ALS2: variants seen among roughly 807,000 people sequenced by gnomAD.
ALS2 encodes alsin.
A neutral mutation model predicts 203.4 loss-of-function variants in ALS2; 117 were observed. The observed-to-expected ratio is 0.58, with a 90% confidence interval of 0.50 to 0.67. ALS2 has a LOEUF of 0.67. Among genes scored for constraint, ALS2 ranks in the 30% least tolerant of loss-of-function variants. The probability of loss-of-function intolerance (pLI) is 0.00; values close to 1 mark genes in which losing one functional copy is unlikely to be tolerated. For synonymous variants in ALS2, 718 were observed against 725.9 expected (o/e 0.99, Z 0.17); for missense variants, 1,715 against 1,989.4 (o/e 0.86, Z 2.62).
chr2:201,712,578 G>C (rs6760385), intron 25 of ALS2, among the ~76,000 whole-genome samples: 1 of 151,946 alleles, frequency 6.6e-6, no homozygotes, highest in African/African-American at 2.4e-5. Context: ...TTTTAACAAC[G>C]AAGGCACAGC....
rs564849908 is a variant in ALS2 at position 201,701,972 on chromosome 2, C to T, written c.4936-83G>A. 213 of 1,252,952 alleles carry T rather than the reference C, an allele frequency of 1.7e-4. 1 individual carries two copies. In the South Asian group the frequency reaches 2.5e-3, roughly 15 times the overall value. 77.6% of individuals were successfully genotyped at this position (1,252,952 alleles called of 1,614,324 possible). On this transcript the variant is annotated intron_variant, in intron 33 of 33. Transcript: ENST00000264276. ...AGCAATGCATATGGGACTAAAGAAA[C>T]AAAATCCCTTATGAACAAATTCAGC...
At chr2:201,767,634 A>T (rs1427340927) in intron 2 of ALS2, among the ~76,000 whole-genome samples, 1 of 151,850 alleles carries the variant, frequency 6.6e-6, no homozygotes, top group Non-Finnish European at 1.5e-5. Flanking sequence ...AGGCCGAGGC[A>T]GGCAGATCAC....
intron 3 of ALS2, among the ~76,000 whole-genome samples, chr2:201,764,670 TAAATAAATAAATA>T (rs1369871176): frequency 6.6e-6 from 1 of 150,554 alleles, no homozygotes; most frequent in Admixed American, 6.6e-5. Context: ...AATAAATAAA[TAAATAAATAAATA>T]AAAGTGAATC....
chr2:201,773,957 G>A (rs1464618982), intron 1 of ALS2, among the ~76,000 whole-genome samples: 1 of 152,220 alleles, frequency 6.6e-6, no homozygotes, highest in Non-Finnish European at 1.5e-5. Context: ...GGTAACGGCT[G>A]AGCATGGCCA....
chr2:201,724,937 C>T (rs535140743), intron 20 of ALS2, among the ~76,000 whole-genome samples: 114 of 152,048 alleles, frequency 7.5e-4, no homozygotes, highest in Middle Eastern at 3.4e-3. Flanking sequence ...CGCGGTGAAA[C>T]CCTGTCTCTA....
At chr2:201,755,416 C>T (rs1032157661) in intron 5 of ALS2, among the ~76,000 whole-genome samples, 3 of 152,136 alleles carry the variant, frequency 2.0e-5, no homozygotes, top group African/African-American at 4.8e-5. Context: ...GCATGCACCA[C>T]CACACCCAGC....
chr2:201,774,670 C>A (rs1250862482), intron 1 of ALS2, among the ~76,000 whole-genome samples: 1 of 152,092 alleles, frequency 6.6e-6, no homozygotes, highest in Non-Finnish European at 1.5e-5. Flanking sequence ...TGGCTTAATT[C>A]GGTGAAAGGT....
At chr2:201,780,572 GGAA>G (rs1330171479) in intron 1 of ALS2, among the ~76,000 whole-genome samples, 1 of 152,218 alleles carries the variant, frequency 6.6e-6, no homozygotes, top group Non-Finnish European at 1.5e-5. Flanking sequence ...GGGGCTTGAA[GGAA>G]TTTCACGCAG....
intron 21 of ALS2, 137 bp from the exon 22 acceptor site, chr2:201,723,578 T>C: frequency 1.4e-6 from 1 of 738,356 alleles, no homozygotes. Flanking sequence ...AATAGTTAAC[T>C]TTGTCTCCTC....
At chr2:201,765,132 G>A (rs1172028487) in intron 3 of ALS2, among the ~76,000 whole-genome samples, 1 of 151,956 alleles carries the variant, frequency 6.6e-6, no homozygotes, top group African/African-American at 2.4e-5. Flanking sequence ...GAAGTAGCTG[G>A]GACTACAGGC....
At chr2:201,775,569 A>G (rs1164997898) in intron 1 of ALS2, among the ~76,000 whole-genome samples, 3 of 152,146 alleles carry the variant, frequency 2.0e-5, no homozygotes, top group African/African-American at 2.4e-5. Flanking sequence ...AACAACTGCT[A>G]CTTCCTGGAT....
chr2:201,767,419 C>A (rs758172365), intron 2 of ALS2, 36 bp from the exon 3 acceptor site: 3 of 1,605,864 alleles, frequency 1.9e-6, no homozygotes, highest in African/African-American at 1.3e-5. Flanking sequence ...ATTGTTTCTA[C>A]AATTCAGAAC....
At position 201,726,792 on chromosome 2, in the gene ALS2, T is replaced by C; in HGVS notation, c.3054A>G (p.Gly1018=). Residue 1018 remains glycine (G), a synonymous_variant, in exon 18 of 34, where the codon GGA becomes GGG. Coordinates refer to ENST00000264276, the MANE Select transcript of ALS2 (RefSeq NM_020919.4). ...LRGMSDLPPY[G]SGSSVQRQEP... is the part of the protein sequence containing the mutation. ...CCTGTCTCTGAACACTGCTACCACTTCCATAAGGGGGGAGATCAGACATCC... is the reference window on the plus strand; with the variant it reads ...CCTGTCTCTGAACACTGCTACCACTCCCATAAGGGGGGAGATCAGACATCC... 1 of 1,614,146 alleles carries C rather than the reference T, an allele frequency of 6.2e-7. No individual in the cohort carries two copies. The highest frequency in any genetic ancestry group is 8.5e-7 in the Non-Finnish European group (1 of 1,180,014).
At chr2:201,774,090 G>A (rs1694546144) in intron 1 of ALS2, among the ~76,000 whole-genome samples, 1 of 152,148 alleles carries the variant, frequency 6.6e-6, no homozygotes, top group Non-Finnish European at 1.5e-5. Context: ...ATGTTGAAAT[G>A]GCAAACAAAG....
intron 23 of ALS2, among the ~76,000 whole-genome samples, chr2:201,720,671 G>A (rs919555120): frequency 8.6e-5 from 13 of 151,350 alleles, no homozygotes; most frequent in East Asian, 3.9e-4. Flanking sequence ...CTGAGAACAC[G>A]CCACTGCACT....
At chr2:201,752,190 G>A (rs921008620) in intron 7 of ALS2, among the ~76,000 whole-genome samples, 3 of 151,986 alleles carry the variant, frequency 2.0e-5, no homozygotes, top group African/African-American at 4.8e-5. Flanking sequence ...TACAACTGAC[G>A]CATCTCATCC....
At chr2:201,746,868 GAGCAAAC>G in intron 8 of ALS2, 120 bp from the exon 9 acceptor site, 3 of 1,115,812 alleles carry the variant, frequency 2.7e-6, no homozygotes, top group Non-Finnish European at 4.0e-6. Flanking sequence ...TCATATCTGA[GAGCAAAC>G]TTACCCAGCA....
In ALS2 at chr2:201,757,530, T is replaced by C; in HGVS notation, c.1343A>G (p.Asp448Gly). 1 of 1,614,180 alleles carries C rather than the reference T, an allele frequency of 6.2e-7. No individual in the cohort carries two copies. The highest frequency in any genetic ancestry group is 1.1e-5 in the South Asian group (1 of 91,084). The change falls in exon 5 of 34, where the codon GAT (aspartate) becomes GGT (glycine). Residue 448 changes from aspartate (D) to glycine (G), a missense_variant. Physicochemically the swap from Asp to Gly is moderately conservative, Grantham distance 94. Around this residue, in one of 3 missense-constraint regions of ALS2, gnomAD observed 476 missense variants for 539.3 expected, o/e 0.88. Transcript: ENST00000264276. ...CTGTTTAACCTGTTCTTCCCTGCTA[T>C]CTTTCAAACCTTCGGGGCCAATGGC... Reference protein sequence around the residue: ...SSAIGPEGLKDSREEQVKQES... With the variant: ...SSAIGPEGLKGSREEQVKQES...
Position 201,700,897 on chromosome 2 carries a change from C to G in ALS2, c.*954G>C, listed in dbSNP as rs753260120. 1 of 152,288 alleles carries G rather than the reference C, an allele frequency of 6.6e-6. No individual in the cohort carries two copies. The highest frequency in any genetic ancestry group is 1.5e-5 in the Non-Finnish European group (1 of 68,048). The allele number at this position is 152,288 out of a possible 1,614,324, so 9.4% of individuals were successfully genotyped here. ...ACTTTTGAGATGGAAAAAGCCAAAG[C>G]TTGTTTCCTTTTTCTTCCCATCCTG... On this transcript the variant is annotated 3_prime_UTR_variant, in exon 34 of 34. Transcript: ENST00000264276.
Sources: allele counts gnomAD v4.1 joint callset (sites outside exome capture counted in the v4.1 genomes callset), GRCh38; gene constraint gnomAD v4.1.1; regional missense constraint gnomAD v4.1.1; transcripts MANE v1.5; gene names NCBI Gene and HGNC (gene_info 2026-07-23, HGNC 2026-07-21).